The following DLGAP1 variants were observed in gnomAD, a reference collection of about 807,000 sequenced individuals.
DLGAP1 encodes disks large-associated protein 1.
DLGAP1 carries 11 observed loss-of-function variants against 90.8 expected under a neutral mutation model. The ratio of observed to expected loss-of-function variants is 0.12; its 90% CI spans 0.08 to 0.20. DLGAP1 has a LOEUF of 0.20. DLGAP1 is among the 10% of genes least tolerant of loss of function. DLGAP1 has a pLI of 1.00. For missense variants in DLGAP1, 1,050 were observed against 1,333.8 expected, an observed-to-expected ratio of 0.79 and a Z score of 3.31; for synonymous variants, 558 against 540.7, an observed-to-expected ratio of 1.03 and a Z score of -0.44.
At chr18:3,908,778 G>A (rs1027666477) in intron 3 of DLGAP1, among the ~76,000 whole-genome samples, 8 of 152,104 alleles carry the variant, frequency 5.3e-5, no homozygotes, top group African/African-American at 1.7e-4. Context: ...AGTAAACTAC[G>A]TGAAAAGTAA....
At chr18:3,528,059 G>A (rs770921614) in intron 10 of DLGAP1, among the ~76,000 whole-genome samples, 59 of 152,064 alleles carry the variant, frequency 3.9e-4, no homozygotes, top group African/African-American at 1.4e-3. Context: ...AGAATCTTCC[G>A]TTTTTTCCCT....
At position 4,286,923 on chromosome 18, in the gene DLGAP1, A is replaced by G. The variant is rs201853388; in HGVS notation, c.-266-135636T>C. On this transcript the variant is annotated intron_variant, in intron 1 of 12. Coordinates refer to ENST00000315677, the MANE Select transcript of DLGAP1 (RefSeq NM_004746.4). ...AACGATAATTGGGGGAGTGAACCACATGGATATTTGGGAATCTATCCCCTT... is the reference window on the plus strand; with the variant it reads ...AACGATAATTGGGGGAGTGAACCACGTGGATATTTGGGAATCTATCCCCTT... 1.5e-4 allele frequency among the ~76,000 whole-genome samples: 23 copies of G among 152,290 alleles called. No homozygotes were observed. In the East Asian group the frequency reaches 4.4e-3, roughly 29 times the overall value.
intron 1 of DLGAP1, among the ~76,000 whole-genome samples, chr18:4,178,660 A>G (rs1446897901): frequency 2.0e-5 from 3 of 152,174 alleles, no homozygotes. Context: ...ATATTATTTT[A>G]TACTGACTGT....
intron 7 of DLGAP1, among the ~76,000 whole-genome samples, chr18:3,645,564 G>C (rs2059090199): frequency 6.6e-6 from 1 of 152,104 alleles, no homozygotes; most frequent in Non-Finnish European, 1.5e-5. Flanking sequence ...CTCCCTCAAT[G>C]AGCCCTCCCC....
intron 3 of DLGAP1, among the ~76,000 whole-genome samples, chr18:3,908,845 C>A (rs2071970878): frequency 1.3e-5 from 2 of 152,168 alleles, no homozygotes; most frequent in Non-Finnish European, 2.9e-5. Flanking sequence ...TTCCTAAAAT[C>A]TAGACTAATA....
chr18:3,614,382 AG>A (rs1170091857), intron 7 of DLGAP1, among the ~76,000 whole-genome samples: 2 of 152,186 alleles, frequency 1.3e-5, no homozygotes, highest in Non-Finnish European at 1.5e-5. Flanking sequence ...CTGAGTAGAA[AG>A]GGAGAAAATG....
At chr18:3,723,526 ATCTTAATGTCAT>A (rs1174295947) in intron 7 of DLGAP1, among the ~76,000 whole-genome samples, 3 of 151,904 alleles carry the variant, frequency 2.0e-5, no homozygotes, top group East Asian at 3.9e-4. Flanking sequence ...ACAAATTATT[ATCTTAATGTCAT>A]TCTGCTTAGG....
At chr18:4,087,144 A>G (rs2075698709) in intron 2 of DLGAP1, among the ~76,000 whole-genome samples, 1 of 150,066 alleles carries the variant, frequency 6.7e-6, no homozygotes, top group South Asian at 2.1e-4. Flanking sequence ...ACATATATAT[A>G]TCTCAGAAGA....
chr18:4,026,834 T>C (rs1236739772), intron 2 of DLGAP1, among the ~76,000 whole-genome samples: 1 of 152,212 alleles, frequency 6.6e-6, no homozygotes, highest in Non-Finnish European at 1.5e-5. Context: ...TAAATTGGCA[T>C]GCGACTTTCT....
At chr18:3,627,102 T>C (rs935346763) in intron 7 of DLGAP1, among the ~76,000 whole-genome samples, 2 of 152,034 alleles carry the variant, frequency 1.3e-5, no homozygotes, top group African/African-American at 2.4e-5. Context: ...ATTTTATTAG[T>C]GCTAGTAATT....
In DLGAP1 at chr18:4,220,483, C is replaced by A. The variant is rs57864103; in HGVS notation, c.-266-69196G>T. Among the ~76,000 whole-genome samples, 1,271 of 152,174 alleles carry A rather than the reference C, an allele frequency of 8.4e-3. 22 individuals are homozygous for A. Among genetic ancestry groups the A allele is most frequent in the African/African-American group, 0.028 (1,178 of 41,542 alleles). ...GGGGAAATCAGAAGAGGGTGGATGG[C>A]GACACTGTAAATTTGTCATCAACAA... On this transcript the variant is annotated intron_variant, in intron 1 of 12. Coordinates refer to ENST00000315677, the MANE Select transcript of DLGAP1 (RefSeq NM_004746.4).
At chr18:3,719,907 A>G (rs191874484) in intron 7 of DLGAP1, among the ~76,000 whole-genome samples, 2 of 152,344 alleles carry the variant, frequency 1.3e-5, no homozygotes, top group Admixed American at 1.3e-4. Context: ...TTAAAATTTC[A>G]TTATGGGACA....
At chr18:3,806,448 A>C (rs1014465202) in intron 5 of DLGAP1, among the ~76,000 whole-genome samples, 3 of 152,184 alleles carry the variant, frequency 2.0e-5, no homozygotes, top group Admixed American at 1.3e-4. Context: ...CTGGAAAACC[A>C]GATTTTAGTA....
intron 5 of DLGAP1, among the ~76,000 whole-genome samples, chr18:3,763,169 T>G (rs1175184069): frequency 1.3e-5 from 2 of 152,164 alleles, no homozygotes; most frequent in Non-Finnish European, 2.9e-5. Flanking sequence ...TCTAATCAGC[T>G]GCCAGCCCAG....
At chr18:3,566,243 C>T (rs773034600) in intron 9 of DLGAP1, among the ~76,000 whole-genome samples, 3 of 151,934 alleles carry the variant, frequency 2.0e-5, no homozygotes, top group African/African-American at 4.8e-5. Flanking sequence ...TCAATTGGTA[C>T]GGATAGATGT....
intron 1 of DLGAP1, among the ~76,000 whole-genome samples, chr18:4,239,946 A>T (rs1451362202): frequency 6.6e-6 from 1 of 152,122 alleles, no homozygotes; most frequent in Non-Finnish European, 1.5e-5. Context: ...CATATCTTTT[A>T]TCCTCCTTTT....
At chr18:4,068,911 A>G (rs1305367928) in intron 2 of DLGAP1, among the ~76,000 whole-genome samples, 1 of 152,188 alleles carries the variant, frequency 6.6e-6, no homozygotes, top group African/African-American at 2.4e-5. Flanking sequence ...TCTGATTATT[A>G]GTAGAGCTTA....
chr18:4,455,235 G>C lies in DLGAP1; in HGVS notation c.-496C>G, dbSNP rs1156551929. 2 of 151,734 alleles carry C rather than the reference G, an allele frequency of 1.3e-5. No homozygotes were observed. Among genetic ancestry groups the C allele is most frequent in the Admixed American group, 6.6e-5 (1 of 15,230 alleles). The allele number at this position is 151,734 out of a possible 1,614,324, so 9.4% of individuals were successfully genotyped here. Reference sequence around the variant, plus strand: ...CCGTGTCCTGGAGATTGCGGCGCCCGAAGCGCAGCGCTCGCCTCTGGAGCG... The same window carrying C: ...CCGTGTCCTGGAGATTGCGGCGCCCCAAGCGCAGCGCTCGCCTCTGGAGCG... On this transcript the variant is annotated 5_prime_UTR_variant, in exon 1 of 13. Coordinates refer to ENST00000315677, the MANE Select transcript of DLGAP1 (RefSeq NM_004746.4).
intron 3 of DLGAP1, chr18:3,978,034 G>A (rs982860463): frequency 3.1e-5 from 12 of 381,798 alleles, no homozygotes; most frequent in East Asian, 2.4e-4. Context: ...GGAGAGCCCC[G>A]TGGCTGTCAT....
Sources: gnomAD v4.1 joint callset for allele counts (sites outside exome capture counted in the v4.1 genomes callset) on GRCh38, gnomAD v4.1.1 for gene constraint, MANE v1.5 for transcripts, NCBI Gene and HGNC (gene_info 2026-07-23, HGNC 2026-07-21) for gene names.